Variants in ANP32E observed in about 807,000 individuals in gnomAD.
The protein encoded by ANP32E is acidic nuclear phosphoprotein 32 family member E.
In ANP32E, 14 loss-of-function variants were observed where a neutral mutation model predicts 35.3. The observed-to-expected ratio is 0.40, with a 90% confidence interval of 0.26 to 0.62. ANP32E has a LOEUF of 0.62. Ranked by LOEUF, ANP32E falls within the 20% of genes least tolerant of loss-of-function variation. ANP32E has a pLI of 0.45. For missense variants in ANP32E, 198 were observed against 304.4 expected (o/e 0.65, Z 2.60); for synonymous variants, 89 against 110.4 (o/e 0.81, Z 1.22).
chr1:150,230,156 G>C (rs1649241567), intron 3 of ANP32E, among the ~76,000 whole-genome samples: 1 of 152,052 alleles, frequency 6.6e-6, no homozygotes, highest in Admixed American at 6.6e-5. Flanking sequence ...TGGGATTACA[G>C]ACATAAACCA....
chr1:150,233,100 A>C (rs587701592), intron 1 of ANP32E, among the ~76,000 whole-genome samples: 1 of 151,842 alleles, frequency 6.6e-6, no homozygotes, highest in Non-Finnish European at 1.5e-5. Flanking sequence ...CCCCGTCCCT[A>C]CTAAAAATAC....
At chr1:150,221,021 G>C (rs1553837604) in intron 6 of ANP32E, among the ~76,000 whole-genome samples, 1 of 141,082 alleles carries the variant, frequency 7.1e-6, no homozygotes, top group Admixed American at 7.8e-5. Flanking sequence ...CAGAGGCTAA[G>C]GAAGAATTCC....
rs1177575289 is a variant in ANP32E at position 150,219,141 on chromosome 1, A to T, written c.*1550T>A. The T allele has an allele frequency of 6.6e-6, 1 of 152,206 alleles. No individual in the cohort carries two copies. Among genetic ancestry groups the T allele is most frequent in the Non-Finnish European group, 1.5e-5 (1 of 68,032 alleles). 9.4% of individuals were successfully genotyped at this position (152,206 alleles called of 1,614,324 possible). On this transcript the variant is annotated 3_prime_UTR_variant, in exon 7 of 7. Coordinates refer to ENST00000583931, the MANE Select transcript of ANP32E (RefSeq NM_030920.5). ...GCAGCAGTACTATACTCAGTATTTAAATATGTCCCAGTATAGAAGCATAAC... is the reference window on the plus strand; with the variant it reads ...GCAGCAGTACTATACTCAGTATTTATATATGTCCCAGTATAGAAGCATAAC...
In ANP32E at chr1:150,226,593, G is replaced by T; in HGVS notation, c.681+15C>A. The T allele has an allele frequency of 6.2e-7, 1 of 1,612,310 alleles. No individual in the cohort carries two copies. The highest frequency in any genetic ancestry group is 1.7e-5 in the Admixed American group (1 of 59,568). Reference sequence around the variant, plus strand: ...AGAAATTAATTTTCAGTGCAGGTAAGAAGTGTGTATTCACCTGAATTTCTT... The same window carrying T: ...AGAAATTAATTTTCAGTGCAGGTAATAAGTGTGTATTCACCTGAATTTCTT... On this transcript the variant is annotated intron_variant, in intron 5 of 6. Coordinates refer to ENST00000583931, the MANE Select transcript of ANP32E (RefSeq NM_030920.5).
chr1:150,234,463 G>A lies in ANP32E; in HGVS notation c.54+1270C>T, dbSNP rs116602962. 7.5e-3 allele frequency: 2,833 copies of A among 377,538 alleles called. 75 individuals are homozygous for A. Among genetic ancestry groups the A allele is most frequent in the African/African-American group, 0.056 (2,452 of 43,856 alleles). The allele number at this position is 377,538 out of a possible 1,614,324, so 23.4% of individuals were successfully genotyped here. A position where few individuals can be genotyped will look rare whatever the true frequency, so the allele number is the denominator to read the frequency against. On this transcript the variant is annotated intron_variant, in intron 1 of 6. Coordinates refer to ENST00000583931, the MANE Select transcript of ANP32E (RefSeq NM_030920.5). ...AAAAATCTTAGTTGCCACTCCACAC[G>A]CCGGACGCGAAAGCCCAGACAGACC...
chr1:150,226,907 A>G lies in ANP32E; in HGVS notation c.494-112T>C, dbSNP rs1184952412. The G allele has an allele frequency of 2.6e-5, 35 of 1,365,660 alleles. No homozygotes were observed. In the Admixed American group the frequency reaches 1.1e-3, roughly 41 times the overall value. The allele number at this position is 1,365,660 out of a possible 1,614,324, so 84.6% of individuals were successfully genotyped here. A position where few individuals can be genotyped will look rare whatever the true frequency, so the allele number is the denominator to read the frequency against. ...TTCAAACTTGTAAGCCAATAGGTGG[A>G]AAGTAACTCACAGCGATACTTTTTT... On this transcript the variant is annotated intron_variant, in intron 4 of 6. Coordinates refer to ENST00000583931, the MANE Select transcript of ANP32E (RefSeq NM_030920.5).
At chr1:150,221,070 G>A (rs1472173908) in intron 6 of ANP32E, among the ~76,000 whole-genome samples, 1 of 130,360 alleles carries the variant, frequency 7.7e-6, no homozygotes, top group African/African-American at 3.0e-5. Flanking sequence ...AGCCAAGATT[G>A]CGCCACTGCA....
chr1:150,230,519 C>T (rs200946286), intron 3 of ANP32E, 52 bp downstream of exon 3: 96 of 1,498,146 alleles, frequency 6.4e-5, no homozygotes, highest in Non-Finnish European at 1.5e-5. Context: ...AAACAAATCT[C>T]AGAAAATTTA....
rs782236701 is a variant in ANP32E, at chr1:150,235,693, C to T, written c.54+40G>A. The stretch of plus-strand genomic sequence containing the variant: ...CACCAGAAATCCGATCCTCAGAATA[C>T]TGGACTGATGGGGAAGCGGTGGGGG... On this transcript the variant is annotated intron_variant, in intron 1 of 6. Transcript: ENST00000583931. The surrounding 1 kb of genome is among the most constrained non-coding windows in gnomAD (Gnocchi z 4.2). 1 of 1,612,602 alleles carries T rather than the reference C, an allele frequency of 6.2e-7. No homozygotes were observed. Among genetic ancestry groups the T allele is most frequent in the Non-Finnish European group, 8.5e-7 (1 of 1,179,112 alleles).
chr1:150,233,573 C>A (rs148558499), intron 1 of ANP32E, among the ~76,000 whole-genome samples: 2 of 152,026 alleles, frequency 1.3e-5, no homozygotes, highest in South Asian at 4.1e-4. Flanking sequence ...GGCTGAATTC[C>A]CTATTAGGTA....
chr1:150,228,070 C>CAT (rs1401087657), intron 4 of ANP32E, among the ~76,000 whole-genome samples: 1 of 150,742 alleles, frequency 6.6e-6, no homozygotes, highest in Non-Finnish European at 1.5e-5. Flanking sequence ...TATTCTGAAC[C>CAT]ATATATATAT....
In ANP32E at chr1:150,235,594, A is replaced by T; in HGVS notation, c.54+139T>A. 1.1e-6 allele frequency: 1 copy of T among 909,108 alleles called. No individual in the cohort carries two copies. Among genetic ancestry groups the T allele is most frequent in the Non-Finnish European group, 1.6e-6 (1 of 609,228 alleles). 56.3% of individuals were successfully genotyped at this position (909,108 alleles called of 1,614,324 possible). ...TTTTAATGATTTAAAACTTAAAATT[A>T]AACATTTCCCCAACCCTAACCCGGG... On this transcript the variant is annotated intron_variant, in intron 1 of 6. Transcript: ENST00000583931. The surrounding 1 kb of genome is among the most constrained non-coding windows in gnomAD (Gnocchi z 4.2).
chr1:150,226,442 GA>G (rs1459070739), intron 5 of ANP32E, among the ~76,000 whole-genome samples, 165 bp downstream of exon 5: 3 of 152,044 alleles, frequency 2.0e-5, no homozygotes, highest in African/African-American at 7.2e-5. Flanking sequence ...TGATTATCTG[GA>G]TATAGTTTGG....
chr1:150,234,030 C>T (rs2038752), intron 1 of ANP32E, among the ~76,000 whole-genome samples: 77,692 of 151,868 alleles, frequency 0.51, 21,301 homozygotes, highest in African/African-American at 0.73. Flanking sequence ...CTTACAAGTA[C>T]GTAAGGAGGA....
intron 1 of ANP32E, among the ~76,000 whole-genome samples, chr1:150,234,426 T>TA (rs11380706): frequency 0.03 from 4,273 of 141,394 alleles, 170 homozygotes; most frequent in African/African-American, 0.084. Flanking sequence ...AACAGGCACT[T>TA]AAAAAAAAAA....
At chr1:150,223,915 T>C (rs1218563513) in intron 5 of ANP32E, among the ~76,000 whole-genome samples, 1 of 151,802 alleles carries the variant, frequency 6.6e-6, no homozygotes, top group East Asian at 2.0e-4. Context: ...CCAGCTAATT[T>C]TGTATTTATA....
chr1:150,228,458 G>A (rs587648703), intron 4 of ANP32E, among the ~76,000 whole-genome samples: 71 of 152,268 alleles, frequency 4.7e-4, no homozygotes, highest in Non-Finnish European at 7.2e-4. Flanking sequence ...TTAGGAGGCT[G>A]AGGCAGGTGG....
chr1:150,220,633 A>C lies in ANP32E; in HGVS notation c.*58T>G. 6.8e-7 allele frequency: 1 copy of C among 1,465,582 alleles called. No homozygotes were observed. Among genetic ancestry groups the C allele is most frequent in the Non-Finnish European group, 9.5e-7 (1 of 1,047,644 alleles). 90.8% of individuals were successfully genotyped at this position (1,465,582 alleles called of 1,614,324 possible). ...ATAGCTATCGTACATGAAGAAACAA[A>C]GATGTGATCACTCTATTGCACACCC... On this transcript the variant is annotated 3_prime_UTR_variant, in exon 7 of 7. Transcript: ENST00000583931.
chr1:150,230,241 T>A (rs1649248162), intron 3 of ANP32E, among the ~76,000 whole-genome samples: 1 of 150,384 alleles, frequency 6.6e-6, no homozygotes, highest in Non-Finnish European at 1.5e-5. Context: ...TTTCCTTCCC[T>A]CAAACCAGGA....
Sources: allele counts gnomAD v4.1 joint callset (sites outside exome capture counted in the v4.1 genomes callset), GRCh38; gene constraint gnomAD v4.1.1; non-coding constraint Gnocchi (gnomAD v3.1); transcripts MANE v1.5; gene names NCBI Gene and HGNC (gene_info 2026-07-23, HGNC 2026-07-21).